Variants in MIR2052HG observed in about 807,000 individuals in gnomAD.
The protein encoded by MIR2052HG is MIR2052 host gene.
intron 2 of MIR2052HG, among the ~76,000 whole-genome samples, chr8:74,615,317 G>T (rs963505027): frequency 6.6e-6 from 1 of 152,194 alleles, no homozygotes; most frequent in African/African-American, 2.4e-5. Flanking sequence ...CATCCTGAGA[G>T]TAGCTCATCT....
At chr8:74,616,269 A>C (rs1288918148) in intron 2 of MIR2052HG, among the ~76,000 whole-genome samples, 15 of 151,376 alleles carry the variant, frequency 9.9e-5, no homozygotes, top group African/African-American at 2.2e-4. Context: ...TCCTCTCCAG[A>C]ACCTGTTGTT....
intron 2 of MIR2052HG, among the ~76,000 whole-genome samples, chr8:74,665,947 C>T (rs1808919057): frequency 6.6e-6 from 1 of 152,208 alleles, no homozygotes; most frequent in Non-Finnish European, 1.5e-5. Context: ...TCTCCTTTGC[C>T]TTCCACCATG....
intron 2 of MIR2052HG, among the ~76,000 whole-genome samples, chr8:74,613,982 C>A (rs1808239666): frequency 6.6e-6 from 1 of 152,176 alleles, no homozygotes; most frequent in Admixed American, 6.5e-5. Context: ...TTTTCTGAAT[C>A]TTTATCAGGG....
At chr8:74,671,197 G>A (rs1018741620) in intron 2 of MIR2052HG, among the ~76,000 whole-genome samples, 1 of 151,754 alleles carries the variant, frequency 6.6e-6, no homozygotes, top group African/African-American at 2.4e-5. Flanking sequence ...ATATTTGTAA[G>A]TCTGGTATTA....
intron 2 of MIR2052HG, among the ~76,000 whole-genome samples, chr8:74,669,940 C>T (rs1443968984): frequency 6.6e-6 from 1 of 152,144 alleles, no homozygotes; most frequent in Non-Finnish European, 1.5e-5. Context: ...TATCTGGAGA[C>T]AGGGCCTTTA....
chr8:74,682,638 C>T (rs868521484), intron 2 of MIR2052HG, among the ~76,000 whole-genome samples: 20 of 152,020 alleles, frequency 1.3e-4, no homozygotes, highest in Middle Eastern at 6.8e-3. Flanking sequence ...TTGCCAAAAA[C>T]GAAGAAACTG....
At chr8:74,659,038 T>G (rs1011329894) in intron 2 of MIR2052HG, among the ~76,000 whole-genome samples, 1 of 152,232 alleles carries the variant, frequency 6.6e-6, no homozygotes, top group Admixed American at 6.5e-5. Context: ...TAACAAAATT[T>G]TATCAGGACT....
intron 2 of MIR2052HG, among the ~76,000 whole-genome samples, chr8:74,646,921 C>T (rs1450286956): frequency 1.4e-5 from 2 of 145,662 alleles, no homozygotes; most frequent in Non-Finnish European, 3.1e-5. Context: ...GAGTGAAACC[C>T]TGTCTCAAAT....
In MIR2052HG at chr8:74,619,749, G is replaced by T. The variant is rs544760138; in HGVS notation, n.216+6809G>T. 1.2e-4 allele frequency among the ~76,000 whole-genome samples: 18 copies of T among 152,250 alleles called. 2 individuals are homozygous for T. Among genetic ancestry groups the T allele is most frequent in the African/African-American group, 4.3e-4 (18 of 41,554 alleles). ...CCACCTTGACATGTGGGAATTATGGGGATTACAATTCAAGATGAGATTTGG... is the reference window on the plus strand; with the variant it reads ...CCACCTTGACATGTGGGAATTATGGTGATTACAATTCAAGATGAGATTTGG... On this transcript the variant is annotated intron_variant and non_coding_transcript_variant, in intron 2 of 6. Transcript: ENST00000523442.
intron 4 of MIR2052HG, among the ~76,000 whole-genome samples, chr8:74,717,138 C>G (rs1368800572): frequency 6.6e-6 from 1 of 152,038 alleles, no homozygotes; most frequent in Non-Finnish European, 1.5e-5. Context: ...AGGTATTTGT[C>G]CTAATGCTCT....
At chr8:74,712,418 T>A (rs1426979078) in intron 4 of MIR2052HG, among the ~76,000 whole-genome samples, 2 of 152,212 alleles carry the variant, frequency 1.3e-5, no homozygotes, top group Non-Finnish European at 2.9e-5. Context: ...TTAATATATG[T>A]CTCTCAACTA....
At chr8:74,641,939 T>C (rs1586901029) in intron 2 of MIR2052HG, among the ~76,000 whole-genome samples, 1 of 152,110 alleles carries the variant, frequency 6.6e-6, no homozygotes. Context: ...TGCAGATGCC[T>C]GGGCCCAGAA....
intron 1 of MIR2052HG, among the ~76,000 whole-genome samples, chr8:74,602,877 T>TCTTTCTTTCTTTC (rs1808041121): frequency 3.7e-5 from 2 of 53,792 alleles, no homozygotes. Context: ...TTCTTTCTTT[T>TCTTTCTTTCTTTC]TTCTATTCAC....
At chr8:74,608,639 G>A (rs1331536395) in intron 1 of MIR2052HG, among the ~76,000 whole-genome samples, 1 of 152,086 alleles carries the variant, frequency 6.6e-6, no homozygotes, top group Non-Finnish European at 1.5e-5. Context: ...TATATTGTCA[G>A]ACCACAGTTA....
chr8:74,618,959 A>C (rs1184661014), intron 2 of MIR2052HG, among the ~76,000 whole-genome samples: 1 of 152,212 alleles, frequency 6.6e-6, no homozygotes, highest in Non-Finnish European at 1.5e-5. Context: ...CATTATACAA[A>C]GTCAACATAC....
chr8:74,678,620 A>G (rs1809083350), intron 2 of MIR2052HG, among the ~76,000 whole-genome samples: 1 of 151,288 alleles, frequency 6.6e-6, no homozygotes. Flanking sequence ...CAAGTCATTT[A>G]ATAAGGTCTA....
At chr8:74,742,743 G>T (rs769739669) in intron 4 of MIR2052HG, among the ~76,000 whole-genome samples, 19 of 152,094 alleles carry the variant, frequency 1.2e-4, no homozygotes, top group Non-Finnish European at 2.1e-4. Context: ...CAAGTTATTA[G>T]TTCTCTAGGT....
chr8:74,688,819 C>A (rs1396996589), intron 2 of MIR2052HG, among the ~76,000 whole-genome samples: 2 of 152,110 alleles, frequency 1.3e-5, no homozygotes, highest in African/African-American at 4.8e-5. Context: ...CCATCCCACC[C>A]TTTCCCCACA....
At chr8:74,694,901 C>G (rs1425217177) in intron 2 of MIR2052HG, among the ~76,000 whole-genome samples, 1 of 152,058 alleles carries the variant, frequency 6.6e-6, no homozygotes, top group African/African-American at 2.4e-5. Flanking sequence ...GTTTGGAAAA[C>G]ATATTTGAGG....
Sources: gnomAD v4.1 joint callset for allele counts (sites outside exome capture counted in the v4.1 genomes callset) on GRCh38, gnomAD v4.1.1 for gene constraint, MANE v1.5 for transcripts, NCBI Gene and HGNC (gene_info 2026-07-23, HGNC 2026-07-21) for gene names.